The following HSF2BP variants were observed in gnomAD, a reference collection of about 807,000 sequenced individuals.
HSF2BP encodes the protein heat shock factor 2-binding protein.
A neutral mutation model predicts 35.0 loss-of-function variants in HSF2BP; 35 were observed. That is an observed-to-expected ratio of 1.00 (90% CI 0.76 to 1.32). HSF2BP has a LOEUF of 1.32. Ranked by LOEUF, HSF2BP falls within the 40% of genes most tolerant of loss-of-function variation. The pLI, the probability that HSF2BP is intolerant of heterozygous loss-of-function variation, is 0.00. For missense variants in HSF2BP, 326 were observed against 321.7 expected (o/e 1.01, Z -0.10); for synonymous variants, 114 against 117.4 (o/e 0.97, Z 0.18).
intron 3 of HSF2BP, among the ~76,000 whole-genome samples, chr21:43,655,693 C>T (rs182864408): frequency 1.3e-5 from 2 of 152,274 alleles, no homozygotes; most frequent in East Asian, 3.9e-4. Context: ...CCAGGAGAGC[C>T]CCATCTGTAG....
At chr21:43,458,046 G>A in the HSF2BP span, among the ~76,000 whole-genome samples, 1 of 82,316 alleles carries the variant, frequency 1.2e-5, no homozygotes, top group Non-Finnish European at 2.5e-5. Flanking sequence ...ATCATCCGGT[G>A]AAGTTTCCCC....
At chr21:43,579,419 C>G (rs1439854338) in intron 8 of HSF2BP, among the ~76,000 whole-genome samples, 2 of 152,180 alleles carry the variant, frequency 1.3e-5, no homozygotes, top group Non-Finnish European at 2.9e-5. Flanking sequence ...GCCACAGATG[C>G]CACCGTCTAA....
chr21:43,619,415 T>A (rs1366650948), intron 6 of HSF2BP, among the ~76,000 whole-genome samples: 1 of 152,098 alleles, frequency 6.6e-6, no homozygotes. Context: ...CTTCACTGCC[T>A]CCCAAAAGAA....
chr21:43,635,474 A>G (rs2082538892), intron 4 of HSF2BP, among the ~76,000 whole-genome samples: 1 of 152,356 alleles, frequency 6.6e-6, no homozygotes, highest in South Asian at 2.1e-4. Flanking sequence ...TGGTATTGCT[A>G]TAAGGATGGA....
At chr21:43,589,798 G>C (rs962751654) in intron 8 of HSF2BP, among the ~76,000 whole-genome samples, 2 of 151,964 alleles carry the variant, frequency 1.3e-5, no homozygotes, top group African/African-American at 4.8e-5. Context: ...CAACTAGATA[G>C]AAAGTCTTAT....
chr21:43,585,814 C>T (rs1217058477), intron 8 of HSF2BP, among the ~76,000 whole-genome samples: 4 of 152,086 alleles, frequency 2.6e-5, no homozygotes, highest in Admixed American at 2.6e-4. Flanking sequence ...GTCTGAGACA[C>T]TAGAAAAATA....
the HSF2BP span, among the ~76,000 whole-genome samples, chr21:43,506,039 G>A: frequency 3.9e-5 from 5 of 129,486 alleles, 1 homozygote; most frequent in South Asian, 9.4e-4. Context: ...CTGCAGGTCC[G>A]CGGCTATTCG....
At chr21:43,505,447 G>A in the HSF2BP span, among the ~76,000 whole-genome samples, 1 of 99,972 alleles carries the variant, frequency 1.0e-5, no homozygotes, top group South Asian at 2.6e-4. Context: ...GGGTTTCCGC[G>A]TGCAGCACGC....
chr21:43,580,531 T>C (rs774515454), intron 8 of HSF2BP, among the ~76,000 whole-genome samples: 1 of 152,246 alleles, frequency 6.6e-6, no homozygotes, highest in Non-Finnish European at 1.5e-5. Flanking sequence ...CAGCATTCTC[T>C]TGTGGAAAGG....
intron 7 of HSF2BP, among the ~76,000 whole-genome samples, chr21:43,612,829 T>C (rs1318068129): frequency 1.3e-5 from 2 of 151,932 alleles, no homozygotes; most frequent in African/African-American, 4.8e-5. Context: ...AAAATAAAGA[T>C]GCTCTAAGAA....
intron 8 of HSF2BP, among the ~76,000 whole-genome samples, chr21:43,578,711 A>C (rs746568534): frequency 2.0e-5 from 3 of 152,236 alleles, no homozygotes; most frequent in Non-Finnish European, 4.4e-5. Flanking sequence ...AGGGTCCTAC[A>C]GCCCCACAGA....
At chr21:43,583,045 G>A (rs1472679621) in intron 8 of HSF2BP, among the ~76,000 whole-genome samples, 4 of 17,348 alleles carry the variant, frequency 2.3e-4, no homozygotes, top group African/African-American at 4.3e-4. Context: ...AGGGAGATGA[G>A]GACCTGCTGA....
intron 6 of HSF2BP, among the ~76,000 whole-genome samples, chr21:43,623,005 A>T (rs1181139210): frequency 6.6e-6 from 1 of 150,388 alleles, no homozygotes; most frequent in Non-Finnish European, 1.5e-5. Flanking sequence ...GGATCTTGCC[A>T]TGTGCCCAGG....
intron 5 of HSF2BP, 96 bp from the exon 6 acceptor site, chr21:43,630,550 G>T (rs2082442871): frequency 7.4e-7 from 1 of 1,348,194 alleles, no homozygotes; most frequent in Non-Finnish European, 9.8e-7. Context: ...AGTTTTAATT[G>T]TAGAATATTG....
chr21:43,656,771 T>G (rs771037235), intron 2 of HSF2BP, 34 bp from the exon 3 acceptor site: 2 of 1,574,858 alleles, frequency 1.3e-6, no homozygotes, highest in Non-Finnish European at 1.7e-6. Flanking sequence ...TATATTTCTC[T>G]TCACATGAGA....
At chr21:43,610,697 C>T (rs1359211573) in intron 7 of HSF2BP, among the ~76,000 whole-genome samples, 3 of 152,122 alleles carry the variant, frequency 2.0e-5, no homozygotes, top group African/African-American at 4.8e-5. Flanking sequence ...CTGACAAGGA[C>T]GTGGGAAACA....
chr21:43,601,458 G>A (rs1261427838), intron 7 of HSF2BP, among the ~76,000 whole-genome samples: 2 of 152,016 alleles, frequency 1.3e-5, no homozygotes, highest in Non-Finnish European at 2.9e-5. Flanking sequence ...TTTTTCTTTT[G>A]CCTATTTGTG....
rs750365241 is a variant in HSF2BP, at chr21:43,630,388, C to T, written c.508G>A (p.Gly170Ser). Reference protein sequence around the residue: ...TMESFVKSLDGDVQELDSDES... With the variant: ...TMESFVKSLDSDVQELDSDES... Reference sequence around the variant, plus strand: ...TCCGAATCCAGCTCCTGGACATCACCGTCTAACGACTTCACAAAACTCTCC... The same window carrying T: ...TCCGAATCCAGCTCCTGGACATCACTGTCTAACGACTTCACAAAACTCTCC... Residue 170 changes from glycine (G) to serine (S), a missense_variant, in exon 6 of 9, where the codon GGT (glycine) becomes AGT (serine). Coordinates refer to ENST00000291560, the MANE Select transcript of HSF2BP (RefSeq NM_007031.2). 6 of 1,613,500 alleles carry T rather than the reference C, an allele frequency of 3.7e-6. No individual in the cohort carries two copies. Among genetic ancestry groups the T allele is most frequent in the South Asian group, 3.3e-5 (3 of 90,958 alleles).
chr21:43,614,601 T>C (rs971663708), intron 6 of HSF2BP, among the ~76,000 whole-genome samples: 1 of 152,108 alleles, frequency 6.6e-6, no homozygotes, highest in Admixed American at 6.6e-5. Flanking sequence ...TATCTGGGAC[T>C]GAGGATGTGA....
Sources: allele counts gnomAD v4.1 joint callset (sites outside exome capture counted in the v4.1 genomes callset), GRCh38; gene constraint gnomAD v4.1.1; transcripts MANE v1.5; gene names NCBI Gene and HGNC (gene_info 2026-07-23, HGNC 2026-07-21).